Variants in RASEF observed in about 807,000 individuals in gnomAD.
RASEF encodes RAS and EF-hand domain containing.
RASEF carries 68 observed loss-of-function variants against 90.1 expected under a neutral mutation model. That is an observed-to-expected ratio of 0.75 (90% CI 0.62 to 0.92). The LOEUF (loss-of-function observed/expected upper bound fraction) is 0.92. Among genes scored for constraint, RASEF ranks in the 40% least tolerant of loss-of-function variants. The pLI is 0.00. For synonymous variants in RASEF, 331 were observed against 345.2 expected (o/e 0.96, Z 0.46); for missense variants, 949 against 937.2 (o/e 1.01, Z -0.16).
the RASEF span, among the ~76,000 whole-genome samples, chr9:83,186,059 T>C: frequency 7.7e-4 from 117 of 152,298 alleles, no homozygotes; most frequent in African/African-American, 2.6e-3. Context: ...CAGTGATAAG[T>C]ATAGGGGCTG....
the RASEF span, among the ~76,000 whole-genome samples, chr9:83,071,488 C>G: frequency 1.0e-3 from 158 of 152,166 alleles, no homozygotes; most frequent in Non-Finnish European, 1.7e-3. Context: ...TCATGGCAAC[C>G]TCTGCCTCCA....
chr9:83,079,618 G>T, the RASEF span, among the ~76,000 whole-genome samples: 4 of 152,222 alleles, frequency 2.6e-5, no homozygotes, highest in South Asian at 8.3e-4. Flanking sequence ...TTCAATATGA[G>T]ATTTGGGCAT....
chr9:83,144,391 G>GAAAA, the RASEF span, among the ~76,000 whole-genome samples: 24 of 33,242 alleles, frequency 7.2e-4, 1 homozygote, highest in Middle Eastern at 0.02. Flanking sequence ...AAGAAAGAAA[G>GAAAA]GAAAGAAAGA....
the RASEF span, among the ~76,000 whole-genome samples, chr9:83,119,585 G>A: frequency 6.6e-6 from 1 of 152,140 alleles, no homozygotes; most frequent in Non-Finnish European, 1.5e-5. Context: ...AAGCCATGGA[G>A]GAGTTGGCAG....
At chr9:83,116,815 G>A in the RASEF span, among the ~76,000 whole-genome samples, 1 of 152,088 alleles carries the variant, frequency 6.6e-6, no homozygotes, top group African/African-American at 2.4e-5. Context: ...TCATTAATAT[G>A]TCATAATAGG....
rs1317702236 is a variant in RASEF at position 82,980,146 on chromosome 9, T to C, written c.*2531A>G. The stretch of plus-strand genomic sequence containing the variant: ...ATACATTTAAAAAAGGACTGTAGTA[T>C]AACTATGATTTTAAAATATCTTAAA... On this transcript the variant is annotated 3_prime_UTR_variant, in exon 17 of 17. Transcript: ENST00000376447. 5.3e-5 allele frequency: 8 copies of C among 152,340 alleles called. No homozygotes were observed. In the East Asian group the frequency reaches 1.2e-3, roughly 22 times the overall value. 9.4% of individuals were successfully genotyped at this position (152,340 alleles called of 1,614,324 possible).
chr9:83,162,628 A>T, the RASEF span, among the ~76,000 whole-genome samples: 1 of 152,206 alleles, frequency 6.6e-6, no homozygotes, highest in Non-Finnish European at 1.5e-5. Flanking sequence ...GAAAGACTGA[A>T]AAACCAACAA....
the RASEF span, among the ~76,000 whole-genome samples, chr9:83,084,145 ATACT>A: frequency 2.8e-3 from 419 of 152,302 alleles, 2 homozygotes; most frequent in African/African-American, 9.8e-3. Flanking sequence ...AGAATGATCC[ATACT>A]TAAGTCTACT....
At chr9:83,009,322 T>C (rs1829196720) in intron 6 of RASEF, among the ~76,000 whole-genome samples, 1 of 152,152 alleles carries the variant, frequency 6.6e-6, no homozygotes, top group South Asian at 2.1e-4. Context: ...TTATGTTTTA[T>C]GGCCAGGATT....
intron 1 of RASEF, among the ~76,000 whole-genome samples, chr9:83,035,497 T>A: frequency 6.6e-6 from 1 of 152,172 alleles, no homozygotes; most frequent in East Asian, 1.9e-4. Flanking sequence ...GATCAAACTT[T>A]TTCATATACA....
At position 83,005,398 on chromosome 9, in the gene RASEF, TA is replaced by T. The variant is rs1829110803; in HGVS notation, c.1113+17del. The T allele has an allele frequency of 1.3e-6, 2 of 1,566,728 alleles. No homozygotes were observed. The highest frequency in any genetic ancestry group is 1.4e-5 in the African/African-American group (1 of 74,070). On this transcript the variant is annotated intron_variant, in intron 8 of 16. Transcript: ENST00000376447. ...CCACTAGAAAGAATGAAATACATGG[TA>T]AAACTATGTGGCATACCAAAGATCT...
At chr9:83,208,918 AGTTTG>A in the RASEF span, among the ~76,000 whole-genome samples, 2 of 152,296 alleles carry the variant, frequency 1.3e-5, no homozygotes, top group South Asian at 4.1e-4. Context: ...GTCCTACAGA[AGTTTG>A]GGGACTTTTC....
chr9:83,172,862 C>G, the RASEF span, among the ~76,000 whole-genome samples: 2 of 151,902 alleles, frequency 1.3e-5, no homozygotes, highest in East Asian at 3.9e-4. Flanking sequence ...ACTTTTATCC[C>G]TTAAGATGAT....
the RASEF span, among the ~76,000 whole-genome samples, chr9:83,217,133 C>CTA: frequency 1.3e-5 from 2 of 151,976 alleles, no homozygotes; most frequent in African/African-American, 4.8e-5. Flanking sequence ...TACATGGTGC[C>CTA]TATAGCCCCT....
At chr9:83,138,638 T>C in the RASEF span, among the ~76,000 whole-genome samples, 400 of 152,262 alleles carry the variant, frequency 2.6e-3, 4 homozygotes, top group African/African-American at 9.2e-3. Context: ...TCTTTGCCCA[T>C]AGCTCCAAAC....
the RASEF span, among the ~76,000 whole-genome samples, chr9:83,163,205 T>C: frequency 6.6e-6 from 1 of 152,104 alleles, no homozygotes; most frequent in African/African-American, 2.4e-5. Flanking sequence ...CATGGCCTCA[T>C]AAAAGACTGA....
chr9:83,153,805 G>A, the RASEF span, among the ~76,000 whole-genome samples: 16 of 152,222 alleles, frequency 1.1e-4, no homozygotes, highest in African/African-American at 3.6e-4. Flanking sequence ...AGTGAGGACT[G>A]TGTGGCACGT....
At chr9:83,121,348 A>G in the RASEF span, among the ~76,000 whole-genome samples, 41 of 152,286 alleles carry the variant, frequency 2.7e-4, no homozygotes, top group African/African-American at 8.7e-4. Context: ...ACAGATATCA[A>G]TATGAAAGGT....
chr9:83,048,414 C>G lies in RASEF; in HGVS notation c.431+14023G>C. ...CTCGTGATTCTTGCTACTTTATATC[C>G]TCACTGATGTCATCACCTTCTGAAT... is the stretch of plus-strand genomic sequence containing the variant. On this transcript the variant is annotated intron_variant, in intron 1 of 16. Transcript: ENST00000376447. The G allele has an allele frequency of 4.1e-6, 4 of 985,292 alleles. No individual in the cohort carries two copies. In the South Asian group the frequency reaches 1.9e-4, roughly 46 times the overall value. 61.0% of individuals were successfully genotyped at this position (985,292 alleles called of 1,614,324 possible).
Sources: gnomAD v4.1 joint callset for allele counts (sites outside exome capture counted in the v4.1 genomes callset) on GRCh38, gnomAD v4.1.1 for gene constraint, MANE v1.5 for transcripts, NCBI Gene and HGNC (gene_info 2026-07-23, HGNC 2026-07-21) for gene names.